Variants in CAMKMT observed in about 807,000 individuals in gnomAD.
The protein encoded by CAMKMT is CaM KMT.
A neutral mutation model predicts 48.0 loss-of-function variants in CAMKMT; 53 were observed. The ratio of observed to expected loss-of-function variants is 1.10; its 90% CI spans 0.89 to 1.39. The LOEUF is 1.39. Ranked by LOEUF, CAMKMT falls within the 40% of genes most tolerant of loss-of-function variation. The pLI is 0.00. For missense variants in CAMKMT, 428 were observed against 402.7 expected, an observed-to-expected ratio of 1.06 and a Z score of -0.54; for synonymous variants, 165 against 152.3, an observed-to-expected ratio of 1.08 and a Z score of -0.61.
chr2:44,378,922 CATAACAAAATTTGCTATT>C (rs1679970023), intron 2 of CAMKMT, among the ~76,000 whole-genome samples: 1 of 152,206 alleles, frequency 6.6e-6, no homozygotes, highest in African/African-American at 2.4e-5. Flanking sequence ...ATACAATTTA[CATAACAAAATTTGCTATT>C]TTAATCACTT....
intron 3 of CAMKMT, among the ~76,000 whole-genome samples, chr2:44,680,567 A>G (rs187257929): frequency 6.6e-6 from 1 of 152,280 alleles, no homozygotes; most frequent in African/African-American, 2.4e-5. Context: ...TGTGAGGAAA[A>G]TTCACTTAGG....
At chr2:44,555,603 C>G (rs1667965026) in intron 3 of CAMKMT, among the ~76,000 whole-genome samples, 1 of 151,998 alleles carries the variant, frequency 6.6e-6, no homozygotes, top group African/African-American at 2.4e-5. Flanking sequence ...GAGTCATCTT[C>G]AAATGAATGT....
intron 3 of CAMKMT, among the ~76,000 whole-genome samples, chr2:44,435,370 A>AT (rs1471637406): frequency 5.3e-5 from 8 of 152,184 alleles, no homozygotes; most frequent in Non-Finnish European, 1.2e-4. Context: ...TGGCACTTAC[A>AT]GTCTAGATTT....
chr2:44,497,111 G>T (rs557864614), intron 3 of CAMKMT, among the ~76,000 whole-genome samples: 1 of 152,276 alleles, frequency 6.6e-6, no homozygotes, highest in South Asian at 2.1e-4. Context: ...AAAGGCAAAT[G>T]TAGTTTTAAA....
chr2:44,403,526 C>A (rs891341503), intron 3 of CAMKMT, among the ~76,000 whole-genome samples: 6 of 152,206 alleles, frequency 3.9e-5, no homozygotes, highest in Non-Finnish European at 5.9e-5. Context: ...AGACATGTAA[C>A]TCCGGTTGCT....
At chr2:44,482,124 T>A (rs1417458997) in intron 3 of CAMKMT, among the ~76,000 whole-genome samples, 1 of 152,056 alleles carries the variant, frequency 6.6e-6, no homozygotes, top group African/African-American at 2.4e-5. Context: ...AATTGCATAA[T>A]AGACTGATAG....
intron 3 of CAMKMT, among the ~76,000 whole-genome samples, chr2:44,396,771 A>C (rs892334908): frequency 6.6e-6 from 1 of 151,722 alleles, no homozygotes; most frequent in Non-Finnish European, 1.5e-5. Context: ...AAAGAAAGAA[A>C]GGAACCAGGA....
intron 3 of CAMKMT, among the ~76,000 whole-genome samples, chr2:44,637,710 A>G (rs932055156): frequency 4.6e-5 from 7 of 152,156 alleles, no homozygotes; most frequent in Admixed American, 1.3e-4. Flanking sequence ...TAAACCCAGT[A>G]TGACAGTGGT....
chr2:44,706,564 G>A (rs1677574508), intron 5 of CAMKMT, among the ~76,000 whole-genome samples: 1 of 151,376 alleles, frequency 6.6e-6, no homozygotes, highest in African/African-American at 2.4e-5. Flanking sequence ...AATATTGCTT[G>A]TTGTGACATT....
At chr2:44,724,699 G>T (rs1678681416) in intron 7 of CAMKMT, among the ~76,000 whole-genome samples, 1 of 152,116 alleles carries the variant, frequency 6.6e-6, no homozygotes, top group Non-Finnish European at 1.5e-5. Context: ...GAATTTCTAT[G>T]GTATCATCTT....
At chr2:44,669,785 G>A (rs911999207) in intron 3 of CAMKMT, among the ~76,000 whole-genome samples, 18 of 151,992 alleles carry the variant, frequency 1.2e-4, no homozygotes, top group African/African-American at 4.3e-4. Flanking sequence ...CTACAGGTGT[G>A]TGCCACCACA....
intron 3 of CAMKMT, among the ~76,000 whole-genome samples, chr2:44,536,754 CT>C (rs1666795830): frequency 6.6e-6 from 1 of 152,084 alleles, no homozygotes; most frequent in Non-Finnish European, 1.5e-5. Context: ...TACTACCTGA[CT>C]TTAAAGTATA....
In CAMKMT at chr2:44,378,713, C is replaced by T. The variant is rs190484671; in HGVS notation, c.311+5825C>T. 3.8e-3 allele frequency among the ~76,000 whole-genome samples: 584 copies of T among 152,168 alleles called. 5 individuals are homozygous for T. The highest frequency in any genetic ancestry group is 0.013 in the African/African-American group (541 of 41,528). On this transcript the variant is annotated intron_variant, in intron 2 of 10. Coordinates refer to ENST00000378494, the MANE Select transcript of CAMKMT (RefSeq NM_024766.5). Reference sequence around the variant, plus strand: ...TTCACCATGTTGGCCAGGATGGTCTCGATCTCTTGACCTCATGATCCACCC... The same window carrying T: ...TTCACCATGTTGGCCAGGATGGTCTTGATCTCTTGACCTCATGATCCACCC...
intron 3 of CAMKMT, among the ~76,000 whole-genome samples, chr2:44,556,816 G>A (rs1668040623): frequency 6.7e-6 from 1 of 149,946 alleles, no homozygotes; most frequent in Non-Finnish European, 1.5e-5. Flanking sequence ...AGTGGCTCAC[G>A]CCTGTAATCC....
At chr2:44,682,968 A>C (rs1676108774) in intron 3 of CAMKMT, among the ~76,000 whole-genome samples, 1 of 152,250 alleles carries the variant, frequency 6.6e-6, no homozygotes, top group African/African-American at 2.4e-5. Context: ...ATGACCGTGT[A>C]GATGATAAAT....
At chr2:44,740,033 T>C (rs1308186601) in intron 7 of CAMKMT, among the ~76,000 whole-genome samples, 2 of 151,602 alleles carry the variant, frequency 1.3e-5, no homozygotes, top group Non-Finnish European at 2.9e-5. Flanking sequence ...TCTATGGTAA[T>C]GGGCAGGAAG....
chr2:44,732,435 G>A (rs1679127931), intron 7 of CAMKMT, among the ~76,000 whole-genome samples: 1 of 152,230 alleles, frequency 6.6e-6, no homozygotes, highest in African/African-American at 2.4e-5. Flanking sequence ...CAAGCAACAT[G>A]TTGACATGAT....
At chr2:44,589,208 T>A (rs1193722273) in intron 3 of CAMKMT, among the ~76,000 whole-genome samples, 2 of 46,322 alleles carry the variant, frequency 4.3e-5, no homozygotes, top group East Asian at 6.9e-4. Context: ...CCGCCCCTAC[T>A]GGGAAGTGAG....
chr2:44,643,398 T>G (rs1318972205), intron 3 of CAMKMT, among the ~76,000 whole-genome samples: 1 of 152,124 alleles, frequency 6.6e-6, no homozygotes, highest in Admixed American at 6.5e-5. Flanking sequence ...ATGGACTATA[T>G]TGAAGTTATC....
Sources: gnomAD v4.1 joint callset for allele counts (sites outside exome capture counted in the v4.1 genomes callset) on GRCh38, gnomAD v4.1.1 for gene constraint, MANE v1.5 for transcripts, NCBI Gene and HGNC (gene_info 2026-07-23, HGNC 2026-07-21) for gene names.